PRELID2: variants seen among roughly 807,000 people sequenced by gnomAD.
The protein encoded by PRELID2 is PRELI domain containing 2.
Under a neutral mutation model 28.4 loss-of-function variants are expected in PRELID2, and 25 were observed. The ratio of observed to expected loss-of-function variants is 0.88; its 90% CI spans 0.64 to 1.23. PRELID2 has a LOEUF of 1.23. PRELID2 is among the 50% of genes most tolerant of loss of function. The pLI, the probability that PRELID2 is intolerant of heterozygous loss-of-function variation, is 0.00. For synonymous variants in PRELID2, 76 were observed against 71.6 expected, an observed-to-expected ratio of 1.06 and a Z score of -0.31; for missense variants, 201 against 214.4, an observed-to-expected ratio of 0.94 and a Z score of 0.39.
chr5:145,747,040 G>A (rs1451835405), intron 1 of PRELID2, among the ~76,000 whole-genome samples: 2 of 152,150 alleles, frequency 1.3e-5, no homozygotes, highest in Non-Finnish European at 2.9e-5. Context: ...ACAGTGTTAA[G>A]AGGGAAATTT....
chr5:145,310,404 C>A, the PRELID2 span, among the ~76,000 whole-genome samples: 1 of 152,138 alleles, frequency 6.6e-6, no homozygotes, highest in Non-Finnish European at 1.5e-5. Context: ...AAAGAAAATG[C>A]CACCTTTGGA....
intron 1 of PRELID2, among the ~76,000 whole-genome samples, chr5:145,636,456 C>G (rs997286159): frequency 1.3e-5 from 2 of 152,224 alleles, no homozygotes; most frequent in Non-Finnish European, 1.5e-5. Flanking sequence ...CCAGGCACAT[C>G]AACCCAAATA....
chr5:145,308,530 A>G, the PRELID2 span, among the ~76,000 whole-genome samples: 1 of 152,222 alleles, frequency 6.6e-6, no homozygotes, highest in Non-Finnish European at 1.5e-5. Flanking sequence ...TAAGAAATTA[A>G]TGTGAATTTA....
At chr5:145,276,183 G>T in the PRELID2 span, among the ~76,000 whole-genome samples, 2 of 152,040 alleles carry the variant, frequency 1.3e-5, no homozygotes, top group Non-Finnish European at 2.9e-5. Context: ...GATAACGATG[G>T]AATTTTCCTT....
intron 1 of PRELID2, among the ~76,000 whole-genome samples, chr5:145,604,087 T>C (rs1050376491): frequency 5.9e-5 from 9 of 152,234 alleles, no homozygotes; most frequent in African/African-American, 1.7e-4. Context: ...ATTATATTTA[T>C]ATTTTTCTCT....
chr5:145,639,009 G>C (rs964003812), intron 1 of PRELID2, among the ~76,000 whole-genome samples: 2 of 152,136 alleles, frequency 1.3e-5, no homozygotes, highest in Non-Finnish European at 2.9e-5. Context: ...ACCTGGATTA[G>C]GTATTTTGGA....
chr5:145,530,112 G>A (rs115775527), intron 1 of PRELID2, among the ~76,000 whole-genome samples: 2,239 of 152,180 alleles, frequency 0.015, 52 homozygotes, highest in African/African-American at 0.052. Context: ...TGAGAAAGCC[G>A]GGGCTTGCCG....
At chr5:145,477,817 CAAAAGAATA>C (rs1300358434) in intron 1 of PRELID2, among the ~76,000 whole-genome samples, 1 of 147,516 alleles carries the variant, frequency 6.8e-6, no homozygotes, top group Non-Finnish European at 1.5e-5. Context: ...CCTTTTTAGT[CAAAAGAATA>C]AAAAGAATAA....
chr5:145,753,539 G>A (rs144648376), downstream of PRELID2, among the ~76,000 whole-genome samples: 1 of 152,288 alleles, frequency 6.6e-6, no homozygotes, highest in Non-Finnish European at 1.5e-5. Context: ...CTAGAAAGGA[G>A]AGATCTTTTG....
intron 1 of PRELID2, among the ~76,000 whole-genome samples, chr5:145,559,285 T>C (rs1350821979): frequency 6.7e-6 from 1 of 149,406 alleles, no homozygotes. Context: ...TTTTGGGAAA[T>C]ACTGTAATAA....
At chr5:145,348,867 A>C in the PRELID2 span, among the ~76,000 whole-genome samples, 1 of 152,136 alleles carries the variant, frequency 6.6e-6, no homozygotes. Context: ...ATCATTGTAC[A>C]TCTGCATTTA....
At chr5:145,617,576 T>C (rs530620522) in intron 1 of PRELID2, among the ~76,000 whole-genome samples, 1 of 152,256 alleles carries the variant, frequency 6.6e-6, no homozygotes, top group African/African-American at 2.4e-5. Flanking sequence ...TTCTTTGTCT[T>C]TGTTGGATTG....
At chr5:145,282,132 T>C in the PRELID2 span, among the ~76,000 whole-genome samples, 2 of 152,232 alleles carry the variant, frequency 1.3e-5, no homozygotes, top group East Asian at 3.8e-4. Flanking sequence ...TATTGTCTGC[T>C]TTAAGGTAAG....
At chr5:145,296,297 C>A in the PRELID2 span, among the ~76,000 whole-genome samples, 4 of 151,432 alleles carry the variant, frequency 2.6e-5, no homozygotes, top group East Asian at 5.8e-4. Context: ...CCCATTAACT[C>A]GTCACTTAGC....
At chr5:145,604,881 C>CTATATATATATA (rs1347559677) in intron 1 of PRELID2, among the ~76,000 whole-genome samples, 152 of 85,686 alleles carry the variant, frequency 1.8e-3, no homozygotes, top group African/African-American at 8.2e-3. Flanking sequence ...TGCTTGTTGG[C>CTATATATATATA]CATATATATA....
chr5:145,491,048 T>C (rs1419611077), intron 1 of PRELID2, among the ~76,000 whole-genome samples: 1 of 152,162 alleles, frequency 6.6e-6, no homozygotes. Context: ...GACAGCTTTT[T>C]TTTTTAACAA....
intron 1 of PRELID2, among the ~76,000 whole-genome samples, chr5:145,703,254 GC>G (rs1386055870): frequency 1.3e-5 from 2 of 152,216 alleles, no homozygotes; most frequent in Non-Finnish European, 2.9e-5. Context: ...AATGCCTTAA[GC>G]AATTGATCCA....
chr5:145,328,015 A>G, the PRELID2 span, among the ~76,000 whole-genome samples: 1 of 151,648 alleles, frequency 6.6e-6, no homozygotes, highest in African/African-American at 2.4e-5. Context: ...ACTCCCACTT[A>G]CAAGTGAGAA....
the PRELID2 span, among the ~76,000 whole-genome samples, chr5:145,420,591 A>C: frequency 3.1e-4 from 41 of 131,148 alleles, no homozygotes; most frequent in African/African-American, 1.1e-3. Context: ...TTGTATCCTG[A>C]GACTTTGCTG....
Sources: allele counts gnomAD v4.1 joint callset (sites outside exome capture counted in the v4.1 genomes callset), GRCh38; gene constraint gnomAD v4.1.1; transcripts MANE v1.5; gene names NCBI Gene and HGNC (gene_info 2026-07-23, HGNC 2026-07-21).